The following APTX variants were observed in gnomAD, a reference collection of about 807,000 sequenced individuals.
APTX encodes the protein aprataxin.
APTX carries 33 observed loss-of-function variants against 42.3 expected under a neutral mutation model. The observed-to-expected ratio is 0.78, with a 90% CI of 0.59 to 1.04. The LOEUF (loss-of-function observed/expected upper bound fraction) is 1.04, where lower values mean the gene tolerates loss of function less well. APTX is among the 50% of genes least tolerant of loss of function. The pLI is 0.00. For synonymous variants in APTX, 130 were observed against 146.7 expected (o/e 0.89, Z 0.82); for missense variants, 421 against 415.1 (o/e 1.01, Z -0.12).
intron 1 of APTX, chr9:33,019,758 G>A (rs1351613143): frequency 1.7e-6 from 1 of 593,980 alleles, no homozygotes; most frequent in South Asian, 2.5e-5. Context: ...AGAGAAAGAT[G>A]GTCGAGAAAG....
intron 7 of APTX, 65 bp downstream of exon 7, chr9:32,974,393 C>G (rs1404164280): frequency 2.4e-5 from 26 of 1,092,232 alleles, no homozygotes; most frequent in Non-Finnish European, 3.7e-5. Flanking sequence ...AGGGAAACAA[C>G]CAAATCAAAT....
intron 6 of APTX, among the ~76,000 whole-genome samples, 187 bp from the exon 7 acceptor site, chr9:32,974,748 C>G (rs1273571788): frequency 1.3e-5 from 2 of 152,042 alleles, no homozygotes. Flanking sequence ...ATATTTAATG[C>G]TCAATAAGTA....
chr9:33,006,256 A>G (rs1367360645), upstream of APTX, among the ~76,000 whole-genome samples: 1 of 152,088 alleles, frequency 6.6e-6, no homozygotes, highest in Non-Finnish European at 1.5e-5. Flanking sequence ...CCCTCTCTCT[A>G]TAAAAAAAAT....
intron 1 of APTX, chr9:32,997,432 A>C (rs1835206713): frequency 6.6e-6 from 1 of 152,262 alleles, no homozygotes; most frequent in Non-Finnish European, 1.5e-5. Flanking sequence ...GGGTGGAAGC[A>C]CAATGCTAGA....
intron 2 of APTX, 42 bp downstream of exon 2, chr9:32,989,717 C>G (rs1448542285): frequency 6.2e-7 from 1 of 1,613,022 alleles, no homozygotes; most frequent in Non-Finnish European, 8.5e-7. Flanking sequence ...TATCACTATC[C>G]CACATAACCA....
chr9:33,014,564 G>T (rs1355403754), intron 1 of APTX, among the ~76,000 whole-genome samples: 1 of 134,648 alleles, frequency 7.4e-6, no homozygotes, highest in Admixed American at 7.2e-5. Flanking sequence ...CATAGCTGGG[G>T]AGCAGGACAT....
At chr9:33,017,669 T>C (rs979955709) in intron 1 of APTX, among the ~76,000 whole-genome samples, 6 of 152,154 alleles carry the variant, frequency 3.9e-5, no homozygotes, top group African/African-American at 1.4e-4. Context: ...TTAGAAATAA[T>C]TCTTACATTT....
intron 1 of APTX, among the ~76,000 whole-genome samples, chr9:32,994,894 T>A (rs554183590): frequency 6.6e-6 from 1 of 152,192 alleles, no homozygotes; most frequent in Non-Finnish European, 1.5e-5. Flanking sequence ...CTAAGGCCCT[T>A]AAGAATTATA....
At chr9:33,011,772 A>C (rs1837560500) in intron 1 of APTX, among the ~76,000 whole-genome samples, 1 of 152,156 alleles carries the variant, frequency 6.6e-6, no homozygotes, top group Non-Finnish European at 1.5e-5. Flanking sequence ...CCTTCCCCTT[A>C]AGGAGCTTTC....
intron 1 of APTX, among the ~76,000 whole-genome samples, chr9:32,996,116 CAGTAT>C (rs1834856918): frequency 6.6e-6 from 1 of 152,114 alleles, no homozygotes; most frequent in Admixed American, 6.6e-5. Context: ...TAACAGACTA[CAGTAT>C]AGTATAAACA....
chr9:32,984,450 G>C (rs1408450437), intron 6 of APTX, among the ~76,000 whole-genome samples, 181 bp downstream of exon 6: 1 of 152,166 alleles, frequency 6.6e-6, no homozygotes, highest in Non-Finnish European at 1.5e-5. Flanking sequence ...GCAGAAGTGG[G>C]AACTCAAAGC....
intron 6 of APTX, among the ~76,000 whole-genome samples, chr9:32,976,727 C>T (rs1829514390): frequency 1.3e-5 from 2 of 152,138 alleles, no homozygotes; most frequent in Admixed American, 1.3e-4. Flanking sequence ...TTCTCCAAAA[C>T]GAAAATACTC....
intron 1 of APTX, among the ~76,000 whole-genome samples, chr9:33,015,541 T>C (rs1465375828): frequency 6.6e-6 from 1 of 152,126 alleles, no homozygotes; most frequent in African/African-American, 2.4e-5. Flanking sequence ...GTATTTTTAG[T>C]AGAGACAGGG....
chr9:33,004,129 A>G (rs1836951220), upstream of APTX, among the ~76,000 whole-genome samples: 1 of 152,230 alleles, frequency 6.6e-6, no homozygotes, highest in South Asian at 2.1e-4. Context: ...AGCAACTTGA[A>G]TGGAACTGGA....
At chr9:33,003,315 G>A (rs1236510054), upstream of APTX, among the ~76,000 whole-genome samples, 3 of 152,154 alleles carry the variant, frequency 2.0e-5, no homozygotes, top group Admixed American at 2.0e-4. Context: ...ATAGCTAAAG[G>A]TATGGCAGGC....
chr9:32,986,563 C>T (rs1458064233), intron 4 of APTX, among the ~76,000 whole-genome samples: 3 of 149,376 alleles, frequency 2.0e-5, no homozygotes, highest in Admixed American at 6.7e-5. Flanking sequence ...AGTACAATGG[C>T]GTGATCTCGG....
intron 1 of APTX, among the ~76,000 whole-genome samples, chr9:33,022,150 T>C (rs1838434802): frequency 6.6e-6 from 1 of 151,952 alleles, no homozygotes; most frequent in Non-Finnish European, 1.5e-5. Flanking sequence ...AATATATATA[T>C]AGATACTAAG....
intron 1 of APTX, among the ~76,000 whole-genome samples, chr9:33,020,965 C>T (rs1357747040): frequency 6.6e-6 from 1 of 151,926 alleles, no homozygotes; most frequent in East Asian, 1.9e-4. Context: ...CCTGTCTCTA[C>T]TAAAAAATAC....
At position 32,986,030 on chromosome 9, in the gene APTX, CCT is replaced by C; in HGVS notation, c.484-2_484-1del. On this transcript the variant is annotated splice_acceptor_variant, in intron 4 of 7. Transcript: ENST00000379817. LOFTEE classifies it high-confidence loss of function. The stretch of plus-strand genomic sequence containing the variant: ...CCTTGACTCCAGTGGCCCAGGGATT[CCT>C]AAAAAAAAAACAAAAAAAAAAACAA... 1 of 1,228,088 alleles carries C rather than the reference CCT, an allele frequency of 8.1e-7. No homozygotes were observed. The highest frequency in any genetic ancestry group is 2.2e-5 in the Admixed American group (1 of 45,398). 76.1% of individuals were successfully genotyped at this position (1,228,088 alleles called of 1,614,324 possible).
Sources: allele counts gnomAD v4.1 joint callset (sites outside exome capture counted in the v4.1 genomes callset), GRCh38; gene constraint gnomAD v4.1.1; transcripts MANE v1.5; gene names NCBI Gene and HGNC (gene_info 2026-07-23, HGNC 2026-07-21).